The following CSMD3 variants were observed in gnomAD, a reference collection of about 807,000 sequenced individuals.
CSMD3 encodes CUB and sushi domain-containing protein 3.
Under a neutral mutation model 435.2 loss-of-function variants are expected in CSMD3, and 177 were observed. That is an observed-to-expected ratio of 0.41 (90% confidence interval 0.36 to 0.46). The LOEUF is 0.46. Among genes scored for constraint, CSMD3 ranks in the 20% least tolerant of loss-of-function variants. The pLI is 0.34. For missense variants in CSMD3, 4,265 were observed against 4,504.6 expected, an observed-to-expected ratio of 0.95 and a Z score of 1.52; for synonymous variants, 1,656 against 1,520.5, an observed-to-expected ratio of 1.09 and a Z score of -2.07.
chr8:113,017,925 T>C (rs149344839), intron 6 of CSMD3, among the ~76,000 whole-genome samples: 62 of 152,210 alleles, frequency 4.1e-4, no homozygotes, highest in African/African-American at 1.4e-3. Context: ...TGTTTTGTGA[T>C]GGCTAATATT....
intron 35 of CSMD3, among the ~76,000 whole-genome samples, chr8:112,403,650 A>T (rs1301032453): frequency 2.0e-5 from 3 of 152,058 alleles, no homozygotes; most frequent in Non-Finnish European, 4.4e-5. Context: ...TAAAGGCACA[A>T]ATCTCATTAC....
chr8:112,478,151 A>T (rs543779532), intron 31 of CSMD3, among the ~76,000 whole-genome samples: 1 of 152,278 alleles, frequency 6.6e-6, no homozygotes, highest in African/African-American at 2.4e-5. Context: ...TGGAACTATA[A>T]GTCCAATAAA....
intron 4 of CSMD3, among the ~76,000 whole-genome samples, chr8:113,153,023 A>G (rs1409788857): frequency 6.6e-6 from 1 of 150,560 alleles, no homozygotes; most frequent in East Asian, 2.0e-4. Flanking sequence ...AAAGAAAAGA[A>G]AAGAGAAAAG....
intron 32 of CSMD3, among the ~76,000 whole-genome samples, chr8:112,440,073 T>A (rs1224805362): frequency 6.6e-6 from 1 of 152,136 alleles, no homozygotes; most frequent in Non-Finnish European, 1.5e-5. Flanking sequence ...AAGTTCAAAG[T>A]CTCATCTGAA....
At chr8:112,497,576 C>T (rs1254227755) in intron 30 of CSMD3, among the ~76,000 whole-genome samples, 1 of 150,922 alleles carries the variant, frequency 6.6e-6, no homozygotes, top group African/African-American at 2.4e-5. Flanking sequence ...TTTTTAAGTG[C>T]TATAGAAACC....
At chr8:112,516,260 G>GT (rs1385279265) in intron 28 of CSMD3, among the ~76,000 whole-genome samples, 3 of 152,084 alleles carry the variant, frequency 2.0e-5, no homozygotes, top group Admixed American at 1.3e-4. Flanking sequence ...GTAAGAGAGA[G>GT]TATGTAAATA....
intron 1 of CSMD3, among the ~76,000 whole-genome samples, chr8:113,362,853 C>T (rs991238418): frequency 6.6e-6 from 1 of 152,144 alleles, no homozygotes; most frequent in Non-Finnish European, 1.5e-5. Context: ...TTACCCTATT[C>T]CTGCCTGACA....
intron 1 of CSMD3, among the ~76,000 whole-genome samples, chr8:113,346,276 T>C (rs2094150734): frequency 6.6e-6 from 1 of 152,024 alleles, no homozygotes; most frequent in Non-Finnish European, 1.5e-5. Flanking sequence ...TTTCTTGATA[T>C]ATTAACTTTC....
intron 1 of CSMD3, among the ~76,000 whole-genome samples, chr8:113,391,572 C>T (rs1328256556): frequency 6.6e-6 from 1 of 151,886 alleles, no homozygotes; most frequent in Non-Finnish European, 1.5e-5. Flanking sequence ...AAATAGATCT[C>T]TTGATTAAAT....
At chr8:112,620,336 T>A (rs1418741373) in intron 22 of CSMD3, among the ~76,000 whole-genome samples, 2 of 152,124 alleles carry the variant, frequency 1.3e-5, no homozygotes, top group Non-Finnish European at 2.9e-5. Context: ...ACTACAATGA[T>A]GTAGGAGAAT....
chr8:113,077,787 G>C (rs1414826848), intron 5 of CSMD3, among the ~76,000 whole-genome samples: 2 of 152,060 alleles, frequency 1.3e-5, no homozygotes, highest in Non-Finnish European at 2.9e-5. Context: ...GAGCATAATT[G>C]ATCTCAAAAT....
intron 24 of CSMD3, among the ~76,000 whole-genome samples, chr8:112,559,061 G>C (rs368535650): frequency 1.4e-4 from 22 of 151,924 alleles, no homozygotes; most frequent in African/African-American, 5.3e-4. Flanking sequence ...TAATATTTCT[G>C]TGTTTCTACA....
intron 58 of CSMD3, 108 bp from the exon 59 acceptor site, chr8:112,281,458 A>C: frequency 1.2e-6 from 1 of 866,830 alleles, no homozygotes. Context: ...GAAGCAATAA[A>C]AACTTCTAAA....
At chr8:112,583,283 G>A (rs140999231) in intron 23 of CSMD3, among the ~76,000 whole-genome samples, 1 of 151,836 alleles carries the variant, frequency 6.6e-6, no homozygotes, top group Non-Finnish European at 1.5e-5. Context: ...GGAGAGAGGA[G>A]ATGTGTGTTT....
chr8:113,421,874 C>T (rs1343428209), intron 1 of CSMD3, among the ~76,000 whole-genome samples: 2 of 152,168 alleles, frequency 1.3e-5, no homozygotes, highest in East Asian at 3.9e-4. Context: ...ATAAAAACCA[C>T]ACTCTGATAG....
At chr8:113,192,732 T>C (rs1436961479) in intron 3 of CSMD3, among the ~76,000 whole-genome samples, 1 of 151,150 alleles carries the variant, frequency 6.6e-6, no homozygotes, top group Non-Finnish European at 1.5e-5. Context: ...TCAAGTTTTA[T>C]ATATTTTAGA....
intron 3 of CSMD3, among the ~76,000 whole-genome samples, chr8:113,239,774 GAAAA>G (rs1216747785): frequency 1.3e-5 from 2 of 151,912 alleles, no homozygotes; most frequent in East Asian, 3.9e-4. Context: ...GTCTCAGAAA[GAAAA>G]AACAATATTG....
intron 3 of CSMD3, among the ~76,000 whole-genome samples, chr8:113,205,818 A>G (rs2092764812): frequency 6.6e-6 from 1 of 152,216 alleles, no homozygotes; most frequent in South Asian, 2.1e-4. Context: ...AACATAAGTA[A>G]TGATATACTA....
intron 59 of CSMD3, among the ~76,000 whole-genome samples, chr8:112,274,079 G>A (rs1202903092): frequency 3.3e-5 from 5 of 152,034 alleles, no homozygotes; most frequent in Admixed American, 3.3e-4. Context: ...AGGCTACGGT[G>A]GGATAGTGTT....
Sources: allele counts gnomAD v4.1 joint callset (sites outside exome capture counted in the v4.1 genomes callset), GRCh38; gene constraint gnomAD v4.1.1; transcripts MANE v1.5; gene names NCBI Gene and HGNC (gene_info 2026-07-23, HGNC 2026-07-21).